The following ZNF516 variants were observed in gnomAD, a reference collection of about 807,000 sequenced individuals.
The protein encoded by ZNF516 is zinc finger protein 516.
Under a neutral mutation model 79.7 loss-of-function variants are expected in ZNF516, and 19 were observed. The ratio of observed to expected loss-of-function variants is 0.24; its 90% confidence interval spans 0.17 to 0.35. The LOEUF is 0.35. ZNF516 is among the 10% of genes least tolerant of loss of function. ZNF516 has a pLI of 1.00. For synonymous variants in ZNF516, 877 were observed against 739.5 expected, an observed-to-expected ratio of 1.19 and a Z score of -3.02; for missense variants, 1,678 against 1,679.5, an observed-to-expected ratio of 1.00 and a Z score of 0.02.
Position 76,359,467 on chromosome 18 carries a change from A to G in ZNF516, c.*3031T>C, listed in dbSNP as rs932349160. On this transcript the variant is annotated 3_prime_UTR_variant, in exon 7 of 7. Transcript: ENST00000443185. ...GAGAATTTAAATATTCATTCTTCAA[A>G]TTAAGGAATACAAGTGAACAACCTG... 6.6e-6 allele frequency: 1 copy of G among 152,256 alleles called. No homozygotes were observed. Among genetic ancestry groups the G allele is most frequent in the African/African-American group, 2.4e-5 (1 of 41,472 alleles). 9.4% of individuals were successfully genotyped at this position (152,256 alleles called of 1,614,324 possible). A position where few individuals can be genotyped will look rare whatever the true frequency, so the allele number is the denominator to read the frequency against.
chr18:76,401,758 C>A (rs1305502150), intron 3 of ZNF516, among the ~76,000 whole-genome samples: 1 of 142,438 alleles, frequency 7.0e-6, no homozygotes, highest in African/African-American at 2.6e-5. Context: ...ACCAACCACA[C>A]CCCCGCGCTC....
chr18:76,367,813 A>G (rs2074639927), intron 6 of ZNF516, among the ~76,000 whole-genome samples: 1 of 152,216 alleles, frequency 6.6e-6, no homozygotes, highest in South Asian at 2.1e-4. Context: ...TGGTCAATAA[A>G]TATTGTTAGT....
chr18:76,457,794 A>G (rs1021575968), intron 2 of ZNF516, among the ~76,000 whole-genome samples: 1 of 152,214 alleles, frequency 6.6e-6, no homozygotes, highest in Non-Finnish European at 1.5e-5. Context: ...GGGTGCCAGA[A>G]ATAATCAACA....
chr18:76,490,149 A>T, intron 1 of ZNF516: 1 of 985,222 alleles, frequency 1.0e-6, no homozygotes, highest in Non-Finnish European at 1.2e-6. Context: ...CACAGAATTC[A>T]GTTCATCCCA....
intron 3 of ZNF516, among the ~76,000 whole-genome samples, chr18:76,398,898 C>T (rs2075180790): frequency 2.6e-5 from 4 of 151,992 alleles, no homozygotes; most frequent in Admixed American, 2.6e-4. Flanking sequence ...TACAAAGAAA[C>T]TGTAATGAGT....
In ZNF516 at chr18:76,483,211, T is replaced by A. The variant is rs900435057; in HGVS notation, c.-272+11933A>T. Among the ~76,000 whole-genome samples, 16 of 151,784 alleles carry A rather than the reference T, an allele frequency of 1.1e-4. 1 individual carries two copies. In the South Asian group the frequency reaches 3.3e-3, roughly 32 times the overall value. ...GCGGGGTGGAGACTCCTCCAGGAGG[T>A]GTTTAATAATCTGCAAAGGTCCAGA... On this transcript the variant is annotated intron_variant, in intron 1 of 6. Transcript: ENST00000443185.
chr18:76,424,741 G>A (rs1370085610), intron 3 of ZNF516, among the ~76,000 whole-genome samples: 1 of 135,824 alleles, frequency 7.4e-6, no homozygotes, highest in Non-Finnish European at 1.5e-5. Context: ...ACACATGCAG[G>A]TGAAAAGGCT....
At chr18:76,432,983 A>G (rs10514217) in intron 3 of ZNF516, among the ~76,000 whole-genome samples, 51,997 of 152,046 alleles carry the variant, frequency 0.34, 9,327 homozygotes, top group East Asian at 0.46. Flanking sequence ...CATTGAGTCC[A>G]ACAACACCAA....
chr18:76,433,929 G>A (rs989747453), intron 3 of ZNF516, among the ~76,000 whole-genome samples: 2 of 152,144 alleles, frequency 1.3e-5, no homozygotes, highest in African/African-American at 2.4e-5. Flanking sequence ...ACCGCTCCAT[G>A]GCATCACACC....
Position 76,410,830 on chromosome 18 carries a change from G to A in ZNF516, c.1810+30415C>T, listed in dbSNP as rs1430190269. On this transcript the variant is annotated intron_variant, in intron 3 of 6. Transcript: ENST00000443185. ...CACATCCAATCAGCAGCAATCTCCC[G>A]GGGGAGTTTTTCAAGATCTCAGGTT... Among the ~76,000 whole-genome samples the A allele has an allele frequency of 2.6e-5, 4 of 152,216 alleles. No individual in the cohort carries two copies. In the South Asian group the frequency reaches 8.3e-4, roughly 32 times the overall value.
At chr18:76,490,879 A>T in intron 1 of ZNF516, 1 of 985,462 alleles carries the variant, frequency 1.0e-6, no homozygotes, top group Non-Finnish European at 1.2e-6. Flanking sequence ...GCCCACGGGC[A>T]CATCTGGGCT....
At position 76,359,315 on chromosome 18, in the gene ZNF516, T is replaced by G. The variant is rs1568221751; in HGVS notation, c.*3183A>C. 1.3e-5 allele frequency: 2 copies of G among 152,194 alleles called. No homozygotes were observed. The highest frequency in any genetic ancestry group is 4.8e-5 in the African/African-American group (2 of 41,440). 9.4% of individuals were successfully genotyped at this position (152,194 alleles called of 1,614,324 possible). A position where few individuals can be genotyped will look rare whatever the true frequency, so the allele number is the denominator to read the frequency against. Reference sequence around the variant, plus strand: ...ATTCACCTGGCTTTGAAGCCAAATCTGTATGGTGCTGAGAATGAAATCTGT... The same window carrying G: ...ATTCACCTGGCTTTGAAGCCAAATCGGTATGGTGCTGAGAATGAAATCTGT... On this transcript the variant is annotated 3_prime_UTR_variant, in exon 7 of 7. Transcript: ENST00000443185.
intron 1 of ZNF516, chr18:76,487,906 T>A (rs1914922859): frequency 2.0e-6 from 2 of 984,042 alleles, no homozygotes; most frequent in South Asian, 9.4e-5. Flanking sequence ...GGACTGAGGA[T>A]GAGAGCCCCC....
At chr18:76,453,720 C>G (rs1568307119) in intron 2 of ZNF516, among the ~76,000 whole-genome samples, 1 of 152,120 alleles carries the variant, frequency 6.6e-6, no homozygotes, top group African/African-American at 2.4e-5. Flanking sequence ...TAAAATTTTT[C>G]TTAGAAATGA....
chr18:76,369,581 G>C (rs1009893030), intron 6 of ZNF516, among the ~76,000 whole-genome samples: 1 of 152,054 alleles, frequency 6.6e-6, no homozygotes, highest in African/African-American at 2.4e-5. Flanking sequence ...GTTCCTTTGA[G>C]ACCTCACTAG....
intron 4 of ZNF516, among the ~76,000 whole-genome samples, chr18:76,376,222 C>A (rs1291358544): frequency 6.6e-6 from 1 of 152,210 alleles, no homozygotes; most frequent in Non-Finnish European, 1.5e-5. Flanking sequence ...CCGGAGGCGT[C>A]CCATCTGGAG....
intron 3 of ZNF516, among the ~76,000 whole-genome samples, chr18:76,440,720 A>G (rs2075802740): frequency 7.1e-6 from 1 of 140,278 alleles, no homozygotes; most frequent in African/African-American, 2.7e-5. Flanking sequence ...GCTGGAGTGG[A>G]GGAAAGTGTG....
At chr18:76,440,080 A>C (rs1027886277) in intron 3 of ZNF516, among the ~76,000 whole-genome samples, 2 of 152,242 alleles carry the variant, frequency 1.3e-5, no homozygotes, top group Non-Finnish European at 2.9e-5. Flanking sequence ...AAAGTCATTT[A>C]TCTATGTATA....
chr18:76,488,753 C>A (rs541179677), intron 1 of ZNF516, among the ~76,000 whole-genome samples: 1 of 152,288 alleles, frequency 6.6e-6, no homozygotes, highest in Admixed American at 6.5e-5. Context: ...ATAATTAAAT[C>A]CATGTCTATC....
Sources: allele counts gnomAD v4.1 joint callset (sites outside exome capture counted in the v4.1 genomes callset), GRCh38; gene constraint gnomAD v4.1.1; transcripts MANE v1.5; gene names NCBI Gene and HGNC (gene_info 2026-07-23, HGNC 2026-07-21).